The following C16orf78 variants were observed in gnomAD, a reference collection of about 807,000 sequenced individuals.
C16orf78 encodes chromosome 16 open reading frame 78.
In C16orf78, 19 loss-of-function variants were observed where a neutral mutation model predicts 27.3. The ratio of observed to expected loss-of-function variants is 0.70; its 90% CI spans 0.49 to 1.02. The LOEUF (loss-of-function observed/expected upper bound fraction) is 1.02. C16orf78 is among the 50% of genes least tolerant of loss of function. The pLI, the probability that C16orf78 is intolerant of heterozygous loss-of-function variation, is 0.00. For synonymous variants in C16orf78, 130 were observed against 116.1 expected, an observed-to-expected ratio of 1.12 and a Z score of -0.77; for missense variants, 339 against 337.0, an observed-to-expected ratio of 1.01 and a Z score of -0.05.
chr16:49,398,363 G>A (rs185650345), intron 4 of C16orf78, among the ~76,000 whole-genome samples: 2 of 152,220 alleles, frequency 1.3e-5, no homozygotes, highest in African/African-American at 2.4e-5. Flanking sequence ...GTTGCTGGTA[G>A]AACAAGGAGC....
intron 3 of C16orf78, among the ~76,000 whole-genome samples, chr16:49,379,178 C>T (rs1965258155): frequency 6.6e-6 from 1 of 152,106 alleles, no homozygotes; most frequent in Non-Finnish European, 1.5e-5. Flanking sequence ...CAATACCTGC[C>T]TCATAGTATG....
At chr16:49,396,792 T>C (rs1010362812) in intron 4 of C16orf78, 114 bp downstream of exon 4, 27 of 1,358,630 alleles carry the variant, frequency 2.0e-5, no homozygotes, top group Admixed American at 2.6e-5. Flanking sequence ...AGTAGGGGCT[T>C]GGTGTGGCTG....
In C16orf78 at chr16:49,374,100, T is replaced by A; in HGVS notation, c.150+11T>A. The A allele has an allele frequency of 6.2e-7, 1 of 1,612,906 alleles. No homozygotes were observed. The highest frequency in any genetic ancestry group is 8.5e-7 in the Non-Finnish European group (1 of 1,179,402). On this transcript the variant is annotated intron_variant, in intron 1 of 4. Transcript: ENST00000299191. Reference sequence around the variant, plus strand: ...AAACAAGCTCCCGAGGTGGGTACCATCCAAGAGAAATGGCAGGAAGACTTT... The same window carrying A: ...AAACAAGCTCCCGAGGTGGGTACCAACCAAGAGAAATGGCAGGAAGACTTT...
At chr16:49,383,706 C>T (rs1353293394) in intron 3 of C16orf78, among the ~76,000 whole-genome samples, 1 of 152,216 alleles carries the variant, frequency 6.6e-6, no homozygotes, top group East Asian at 1.9e-4. Flanking sequence ...TTAAAGTGAG[C>T]TTTGGATCAG....
chr16:49,395,200 A>G (rs1243945278), intron 3 of C16orf78, among the ~76,000 whole-genome samples: 2 of 152,170 alleles, frequency 1.3e-5, no homozygotes, highest in African/African-American at 4.8e-5. Flanking sequence ...CCCAGCTGAC[A>G]AATATAGTTT....
chr16:49,386,214 A>G (rs962922621), intron 3 of C16orf78, among the ~76,000 whole-genome samples: 3 of 152,228 alleles, frequency 2.0e-5, no homozygotes, highest in Non-Finnish European at 4.4e-5. Context: ...AAAAAAATTA[A>G]CAGAACTGAA....
intron 3 of C16orf78, among the ~76,000 whole-genome samples, chr16:49,391,372 AC>A (rs1965410841): frequency 6.6e-6 from 1 of 151,988 alleles, no homozygotes; most frequent in Admixed American, 6.6e-5. Flanking sequence ...AGAAGGCCAT[AC>A]CCCCTTTTGT....
At chr16:49,382,502 A>C (rs1965299127) in intron 3 of C16orf78, among the ~76,000 whole-genome samples, 1 of 152,168 alleles carries the variant, frequency 6.6e-6, no homozygotes, top group African/African-American at 2.4e-5. Flanking sequence ...GAGATTGATT[A>C]TTAGACTCCC....
rs1965508052 is a variant in C16orf78 at position 49,398,980 on chromosome 16, A to C, written c.651-151A>C. ...TTGTGGGGTGTCCCACTGTCTTATA[A>C]GGTCTCTATCAGCTCCATGGATGAC... On this transcript the variant is annotated intron_variant, in intron 4 of 4. Coordinates refer to ENST00000299191, the MANE Select transcript of C16orf78 (RefSeq NM_144602.4). The C allele has an allele frequency of 1.3e-5, 10 of 796,412 alleles. No homozygotes were observed. In the South Asian group the frequency reaches 1.6e-4, roughly 12 times the overall value. 49.3% of individuals were successfully genotyped at this position (796,412 alleles called of 1,614,324 possible). A position where few individuals can be genotyped will look rare whatever the true frequency, so the allele number is the denominator to read the frequency against.
At chr16:49,378,632 C>T (rs767880404) in intron 3 of C16orf78, 39 bp downstream of exon 3, 1 of 1,611,200 alleles carries the variant, frequency 6.2e-7, no homozygotes, top group Admixed American at 1.7e-5. Context: ...CAGAATCCTG[C>T]TCCATAATCT....
intron 4 of C16orf78, among the ~76,000 whole-genome samples, chr16:49,397,125 C>G (rs1965485421): frequency 6.6e-6 from 1 of 152,152 alleles, no homozygotes; most frequent in African/African-American, 2.4e-5. Flanking sequence ...GGATCATGAA[C>G]AAAGTGTGAA....
In C16orf78 at chr16:49,377,721, G is replaced by A. The variant is rs1965237426; in HGVS notation, c.151-10G>A. 3 of 1,601,566 alleles carry A rather than the reference G, an allele frequency of 1.9e-6. No homozygotes were observed. Among genetic ancestry groups the A allele is most frequent in the Non-Finnish European group, 2.6e-6 (3 of 1,174,318 alleles). ...AGTGGCTGCAGGGCTCTCTTCCCTT[G>A]TCTTTTCAGAAGCAAAAGCCCAAAG... is the stretch of plus-strand genomic sequence containing the variant. On this transcript the variant is annotated splice_polypyrimidine_tract_variant and intron_variant, in intron 1 of 4. Transcript: ENST00000299191.
chr16:49,392,702 C>G (rs1049942525), intron 3 of C16orf78, among the ~76,000 whole-genome samples: 2 of 152,056 alleles, frequency 1.3e-5, no homozygotes, highest in African/African-American at 4.8e-5. Flanking sequence ...TATTTTATTT[C>G]GACTTTTAGG....
At chr16:49,374,272 GT>G (rs1407158784) in intron 1 of C16orf78, among the ~76,000 whole-genome samples, 183 bp downstream of exon 1, 3 of 152,208 alleles carry the variant, frequency 2.0e-5, no homozygotes, top group African/African-American at 7.2e-5. Context: ...TGATTAGGCT[GT>G]CTGTGTTGCT....
At chr16:49,376,987 A>G (rs995440438) in intron 1 of C16orf78, among the ~76,000 whole-genome samples, 4 of 152,016 alleles carry the variant, frequency 2.6e-5, no homozygotes, top group African/African-American at 9.7e-5. Flanking sequence ...TCTGGCACCC[A>G]CCCCTAACCC....
At chr16:49,378,412 G>C (rs938955852) in intron 2 of C16orf78, 58 bp from the exon 3 acceptor site, 5 of 1,534,936 alleles carry the variant, frequency 3.3e-6, no homozygotes, top group African/African-American at 2.8e-5. Flanking sequence ...GGGATGGAGC[G>C]GGGAGGGCGA....
At position 49,378,102 on chromosome 16, in the gene C16orf78, T is replaced by C. The variant is rs73567811; in HGVS notation, c.270+252T>C. Among the ~76,000 whole-genome samples, 1,145 of 152,268 alleles carry C rather than the reference T, an allele frequency of 7.5e-3. 16 individuals are homozygous for C. Among genetic ancestry groups the C allele is most frequent in the African/African-American group, 0.026 (1,083 of 41,556 alleles). ...ATCCTCCCTTGCCCACATTTATCCC[T>C]GAAACCATTCAAGAAGGCCACTTGG... On this transcript the variant is annotated intron_variant, in intron 2 of 4. Coordinates refer to ENST00000299191, the MANE Select transcript of C16orf78 (RefSeq NM_144602.4).
At chr16:49,375,906 CCA>C (rs1239145633) in intron 1 of C16orf78, among the ~76,000 whole-genome samples, 1 of 152,198 alleles carries the variant, frequency 6.6e-6, no homozygotes, top group Non-Finnish European at 1.5e-5. Context: ...TCTCCTTTTA[CCA>C]GGATAAGATT....
Position 49,373,978 on chromosome 16 carries a change from C to T in C16orf78, c.39C>T (p.Pro13=), listed in dbSNP as rs1965185792. Residue 13 remains proline, a synonymous_variant, in exon 1 of 5, where the codon CCC becomes CCT. Transcript: ENST00000299191. ...EQQMDLKDLM[P]TKRKYMWKTA... Reference sequence around the variant, plus strand: ...AAATGGACCTGAAGGATTTAATGCCCACAAAGAGGAAATACATGTGGAAGA... The same window carrying T: ...AAATGGACCTGAAGGATTTAATGCCTACAAAGAGGAAATACATGTGGAAGA... The T allele has an allele frequency of 2.5e-6, 4 of 1,614,126 alleles. No homozygotes were observed. Among genetic ancestry groups the T allele is most frequent in the Non-Finnish European group, 3.4e-6 (4 of 1,180,028 alleles).
Sources: gnomAD v4.1 joint callset for allele counts (sites outside exome capture counted in the v4.1 genomes callset) on GRCh38, gnomAD v4.1.1 for gene constraint, MANE v1.5 for transcripts, NCBI Gene and HGNC (gene_info 2026-07-23, HGNC 2026-07-21) for gene names.